SLC25A21: variants seen among roughly 807,000 people sequenced by gnomAD.
SLC25A21 encodes solute carrier family 25 member 21.
In SLC25A21, 47 loss-of-function variants were observed where a neutral mutation model predicts 43.8. The observed-to-expected ratio is 1.07, with a 90% CI of 0.85 to 1.37. The LOEUF (loss-of-function observed/expected upper bound fraction) is 1.37. Among genes scored for constraint, SLC25A21 ranks in the 40% most tolerant of loss-of-function variants. The pLI is 0.00. For missense variants in SLC25A21, 352 were observed against 350.2 expected, an observed-to-expected ratio of 1.00 and a Z score of -0.04; for synonymous variants, 131 against 121.3, an observed-to-expected ratio of 1.08 and a Z score of -0.52.
At chr14:36,754,953 C>G (rs763637328) in intron 3 of SLC25A21, among the ~76,000 whole-genome samples, 14 of 152,066 alleles carry the variant, frequency 9.2e-5, no homozygotes, top group Non-Finnish European at 8.8e-5. Context: ...ACTCAATACA[C>G]AGTTAATAAT....
At chr14:36,862,610 G>T (rs377514185) in intron 2 of SLC25A21, among the ~76,000 whole-genome samples, 396 of 147,228 alleles carry the variant, frequency 2.7e-3, no homozygotes, top group African/African-American at 9.4e-3. Flanking sequence ...GGCCTTTCAG[G>T]GGCTGTGGGG....
intron 1 of SLC25A21, among the ~76,000 whole-genome samples, chr14:37,055,731 G>A (rs1186941147): frequency 6.6e-6 from 1 of 152,112 alleles, no homozygotes; most frequent in African/African-American, 2.4e-5. Context: ...ATTGTAAATT[G>A]GAGACACAGA....
chr14:36,859,275 G>T (rs1242831025), intron 2 of SLC25A21, among the ~76,000 whole-genome samples: 1 of 152,126 alleles, frequency 6.6e-6, no homozygotes, highest in Non-Finnish European at 1.5e-5. Flanking sequence ...CTAACAAAAA[G>T]AACTACATTC....
chr14:37,072,504 C>G (rs543623489), intron 1 of SLC25A21, among the ~76,000 whole-genome samples: 46 of 152,160 alleles, frequency 3.0e-4, no homozygotes, highest in Non-Finnish European at 5.9e-4. Flanking sequence ...CAATGTCTCA[C>G]GCCTGTAATC....
chr14:36,949,412 A>G (rs1340225357), intron 1 of SLC25A21, among the ~76,000 whole-genome samples: 1 of 152,244 alleles, frequency 6.6e-6, no homozygotes, highest in Non-Finnish European at 1.5e-5. Context: ...TTATTTAGAA[A>G]GTGAATACAT....
intron 1 of SLC25A21, among the ~76,000 whole-genome samples, chr14:37,106,564 G>C (rs562142428): frequency 6.6e-6 from 1 of 152,218 alleles, no homozygotes; most frequent in Admixed American, 6.5e-5. Context: ...TGTTTAAGAT[G>C]TTTATCAAGA....
At chr14:36,901,888 T>C (rs1395876699) in intron 1 of SLC25A21, among the ~76,000 whole-genome samples, 1 of 152,236 alleles carries the variant, frequency 6.6e-6, no homozygotes, top group African/African-American at 2.4e-5. Context: ...CTGCATCAAA[T>C]GTCATCTTCA....
intron 1 of SLC25A21, among the ~76,000 whole-genome samples, chr14:37,122,533 T>C (rs1963227075): frequency 1.3e-5 from 2 of 152,230 alleles, no homozygotes; most frequent in South Asian, 4.1e-4. Context: ...AATCATACAC[T>C]GTACACATTG....
chr14:37,124,494 A>T (rs1963263820), intron 1 of SLC25A21, among the ~76,000 whole-genome samples: 1 of 152,100 alleles, frequency 6.6e-6, no homozygotes, highest in African/African-American at 2.4e-5. Context: ...TTCCCAATAT[A>T]TTATTGTTAC....
chr14:36,973,280 T>C (rs1191062164), intron 1 of SLC25A21, among the ~76,000 whole-genome samples: 1 of 151,650 alleles, frequency 6.6e-6, no homozygotes, highest in Non-Finnish European at 1.5e-5. Flanking sequence ...GGGATGGCAA[T>C]GGTGGGGAGA....
intron 1 of SLC25A21, among the ~76,000 whole-genome samples, chr14:37,069,882 G>GCAA (rs1962136976): frequency 6.6e-6 from 1 of 152,176 alleles, no homozygotes. Flanking sequence ...CTTGACACAA[G>GCAA]CAACATGGTG....
At chr14:37,146,265 C>G (rs773252466) in intron 1 of SLC25A21, among the ~76,000 whole-genome samples, 5 of 152,096 alleles carry the variant, frequency 3.3e-5, no homozygotes, top group Non-Finnish European at 5.9e-5. Context: ...CCAAACAGAC[C>G]AAGAGTTTCT....
chr14:36,912,892 G>A (rs1229038169), intron 1 of SLC25A21, among the ~76,000 whole-genome samples: 4 of 152,128 alleles, frequency 2.6e-5, no homozygotes, highest in African/African-American at 9.7e-5. Flanking sequence ...ATTCTGAACT[G>A]TGAGTACCTT....
chr14:36,724,428 A>G (rs1566540712), intron 6 of SLC25A21, among the ~76,000 whole-genome samples: 1 of 152,246 alleles, frequency 6.6e-6, no homozygotes, highest in Non-Finnish European at 1.5e-5. Context: ...ACCCATTAGC[A>G]GCTGCTTATG....
chr14:36,904,796 C>T (rs1309499140), intron 1 of SLC25A21, among the ~76,000 whole-genome samples: 1 of 152,108 alleles, frequency 6.6e-6, no homozygotes, highest in Admixed American at 6.5e-5. Context: ...GGGAAATCGC[C>T]CCCATGATCC....
intron 2 of SLC25A21, among the ~76,000 whole-genome samples, chr14:36,822,146 T>C (rs183410867): frequency 6.6e-6 from 1 of 152,320 alleles, no homozygotes; most frequent in African/African-American, 2.4e-5. Flanking sequence ...AAATAGAGAT[T>C]CTAGGAACTT....
At chr14:37,029,536 C>CA (rs1390793708) in intron 1 of SLC25A21, among the ~76,000 whole-genome samples, 2 of 152,132 alleles carry the variant, frequency 1.3e-5, no homozygotes, top group Non-Finnish European at 2.9e-5. Context: ...AAACTCTACT[C>CA]AGTTTTCAGC....
intron 1 of SLC25A21, among the ~76,000 whole-genome samples, chr14:37,003,895 C>T (rs1366175552): frequency 6.6e-6 from 1 of 152,152 alleles, no homozygotes; most frequent in Non-Finnish European, 1.5e-5. Context: ...TGTTATTCTT[C>T]AATAAAGTTT....
intron 7 of SLC25A21, among the ~76,000 whole-genome samples, chr14:36,697,592 T>C (rs1198960147): frequency 6.6e-6 from 1 of 152,172 alleles, no homozygotes; most frequent in East Asian, 1.9e-4. Flanking sequence ...ATCTGGGTGC[T>C]CCTGTATTGG....
Sources: allele counts gnomAD v4.1 joint callset (sites outside exome capture counted in the v4.1 genomes callset), GRCh38; gene constraint gnomAD v4.1.1; transcripts MANE v1.5; gene names NCBI Gene and HGNC (gene_info 2026-07-23, HGNC 2026-07-21).